ABR: variants seen among roughly 807,000 people sequenced by gnomAD.
The protein encoded by ABR is ABR activator of RhoGEF and GTPase.
In ABR, 35 loss-of-function variants were observed where a neutral mutation model predicts 107.2. That is an observed-to-expected ratio of 0.33 (90% CI 0.25 to 0.43). The LOEUF (loss-of-function observed/expected upper bound fraction) is 0.43, where lower values mean the gene tolerates loss of function less well. ABR is among the 20% of genes least tolerant of loss of function. The pLI is 1.00. For missense variants in ABR, 815 were observed against 1,115.2 expected, an observed-to-expected ratio of 0.73 and a Z score of 3.83; for synonymous variants, 498 against 462.0, an observed-to-expected ratio of 1.08 and a Z score of -1.00.
At chr17:1,147,637 T>C (rs2040609803) in intron 1 of ABR, among the ~76,000 whole-genome samples, 1 of 152,116 alleles carries the variant, frequency 6.6e-6, no homozygotes, top group South Asian at 2.1e-4. Flanking sequence ...CCGGGATTAG[T>C]GTGAGCTACC....
In ABR at chr17:1,071,852, G is replaced by A. The variant is rs1445146184; in HGVS notation, c.894+762C>T. ...CTCTGACACCAGTGGCTGAAAGACT[G>A]CGTGGTGGACCTGGAGAGACTCCCC... is the stretch of plus-strand genomic sequence containing the variant. On this transcript the variant is annotated intron_variant, in intron 8 of 22. Transcript: ENST00000302538. The surrounding 1 kb of genome is among the most constrained non-coding windows in gnomAD (Gnocchi z 5.1). 1.3e-5 allele frequency among the ~76,000 whole-genome samples: 2 copies of A among 152,386 alleles called. No individual in the cohort carries two copies. Among genetic ancestry groups the A allele is most frequent in the East Asian group, 1.9e-4 (1 of 5,186 alleles).
At chr17:1,147,633 T>G (rs2040609628) in intron 1 of ABR, among the ~76,000 whole-genome samples, 1 of 152,080 alleles carries the variant, frequency 6.6e-6, no homozygotes, top group East Asian at 1.9e-4. Context: ...AGTGCCGGGA[T>G]TAGTGTGAGC....
At chr17:1,217,925 C>G (rs1567899750) in intron 1 of ABR, among the ~76,000 whole-genome samples, 1 of 152,168 alleles carries the variant, frequency 6.6e-6, no homozygotes, top group African/African-American at 2.4e-5. Flanking sequence ...GAACTCCTGA[C>G]CTCAGGTGAT....
chr17:1,157,116 C>T lies in ABR; in HGVS notation c.61+22551G>A, dbSNP rs34106175. 0.077 allele frequency among the ~76,000 whole-genome samples: 11,668 copies of T among 152,184 alleles called. 517 individuals carry two copies. The highest frequency in any genetic ancestry group is 0.15 in the Middle Eastern group (43 of 294). On this transcript the variant is annotated intron_variant, in intron 1 of 22. Coordinates refer to ENST00000302538, the MANE Select transcript of ABR (RefSeq NM_021962.5). This position sits in a 1 kb window ranked among gnomAD's most constrained non-coding sequence, Gnocchi z 4.7. ...ATCTCAATTTTACGGATGAGGAAAC[C>T]GAAGCTCAGATAGGTCAGATGACTG...
intron 6 of ABR, among the ~76,000 whole-genome samples, chr17:1,074,606 C>T (rs1273276988): frequency 6.6e-6 from 1 of 152,262 alleles, no homozygotes; most frequent in Non-Finnish European, 1.5e-5. Flanking sequence ...CTGTGATCCA[C>T]AGGACTGGCC....
intron 2 of ABR, among the ~76,000 whole-genome samples, chr17:1,106,137 T>G (rs1221287110): frequency 6.6e-6 from 1 of 152,166 alleles, no homozygotes; most frequent in African/African-American, 2.4e-5. Flanking sequence ...GGCTGAGATA[T>G]GCAGCAAACT....
chr17:1,024,024 C>CAAAAAAAAAAAAAA (rs11334940), intron 16 of ABR, among the ~76,000 whole-genome samples: 7 of 47,678 alleles, frequency 1.5e-4, no homozygotes, highest in Admixed American at 2.7e-4. Context: ...GACTCCATCT[C>CAAAAAAAAAAAAAA]AAAAAAAAAA....
chr17:1,214,331 A>ATG (rs958167061), intron 1 of ABR, among the ~76,000 whole-genome samples: 12 of 122,870 alleles, frequency 9.8e-5, no homozygotes, highest in African/African-American at 1.8e-4. Flanking sequence ...TGATACTAGG[A>ATG]TGTGTGTGTA....
chr17:1,109,782 C>T (rs1295471011), intron 2 of ABR, among the ~76,000 whole-genome samples: 6 of 152,048 alleles, frequency 3.9e-5, no homozygotes, highest in Non-Finnish European at 8.8e-5. Context: ...CAGGCAGGAG[C>T]GCGGCGCCAC....
Position 1,058,879 on chromosome 17 carries a change from G to A in ABR, c.1183-12C>T, listed in dbSNP as rs2033632785. On this transcript the variant is annotated splice_polypyrimidine_tract_variant and intron_variant, in intron 10 of 22. Coordinates refer to ENST00000302538, the MANE Select transcript of ABR (RefSeq NM_021962.5). ...CCTTTGTTGGCTTTCTGCAGGAGAT[G>A]GGGACACAGAGGGTTCCCCTCACAC... 6.2e-7 allele frequency: 1 copy of A among 1,613,892 alleles called. No individual in the cohort carries two copies. The highest frequency in any genetic ancestry group is 1.7e-5 in the Admixed American group (1 of 60,014).
intron 16 of ABR, among the ~76,000 whole-genome samples, chr17:1,028,725 T>C (rs2072448107): frequency 6.6e-6 from 1 of 152,156 alleles, no homozygotes; most frequent in Non-Finnish European, 1.5e-5. Context: ...AGAGACAAGG[T>C]CACCTGAAGC....
upstream of ABR, among the ~76,000 whole-genome samples, chr17:1,181,282 T>G (rs1417922306): frequency 6.6e-6 from 1 of 152,144 alleles, no homozygotes; most frequent in African/African-American, 2.4e-5. Context: ...ATAAGCTGCT[T>G]GGGCAGAGGC....
In ABR at chr17:1,027,296, C is replaced by T. The variant is rs2150877660; in HGVS notation, c.1792-14132G>A. On this transcript the variant is annotated intron_variant, in intron 16 of 22. Transcript: ENST00000302538. The surrounding 1 kb of genome is among the most constrained non-coding windows in gnomAD (Gnocchi z 4.7). Reference sequence around the variant, plus strand: ...AGGGAGGCCGGGGAGGACCAGCGCCCTTCTACCCTCCCTAGGTACCAAGAA... The same window carrying T: ...AGGGAGGCCGGGGAGGACCAGCGCCTTTCTACCCTCCCTAGGTACCAAGAA... Among the ~76,000 whole-genome samples, 1 of 152,370 alleles carries T rather than the reference C, an allele frequency of 6.6e-6. No individual in the cohort carries two copies. Among genetic ancestry groups the T allele is most frequent in the South Asian group, 2.1e-4 (1 of 4,832 alleles).
At chr17:1,100,126 TAAAA>T (rs59004026) in intron 3 of ABR, among the ~76,000 whole-genome samples, 4 of 110,166 alleles carry the variant, frequency 3.6e-5, no homozygotes, top group Admixed American at 1.0e-4. Flanking sequence ...AGCTCCGTCT[TAAAA>T]AAAAAAAAAA....
intron 16 of ABR, among the ~76,000 whole-genome samples, chr17:1,049,172 G>A (rs1363845787): frequency 6.6e-6 from 1 of 152,060 alleles, no homozygotes; most frequent in Non-Finnish European, 1.5e-5. Flanking sequence ...AGGCATAAAT[G>A]CTGTTTTTAT....
Position 1,050,931 on chromosome 17 carries a change from G to T in ABR, c.1562-297C>A, listed in dbSNP as rs139627640. On this transcript the variant is annotated intron_variant, in intron 14 of 22. Coordinates refer to ENST00000302538, the MANE Select transcript of ABR (RefSeq NM_021962.5). The surrounding 1 kb of genome is among the most constrained non-coding windows in gnomAD (Gnocchi z 4.6). ...CCCACACTCTGCCCTTCCCACCTCG[G>T]CCCTCCCCACACTCTGGCCTCCTCC... Among the ~76,000 whole-genome samples the T allele has an allele frequency of 1.5e-3, 219 of 145,674 alleles. 2 individuals are homozygous for T. In the East Asian group the frequency reaches 0.037, roughly 24 times the overall value.
chr17:1,021,239 G>C (rs1447153757), intron 16 of ABR, among the ~76,000 whole-genome samples: 1 of 152,182 alleles, frequency 6.6e-6, no homozygotes, highest in South Asian at 2.1e-4. Flanking sequence ...TGGACGACGG[G>C]AATCTGAAGA....
At chr17:1,105,870 GA>G (rs34646182) in intron 2 of ABR, among the ~76,000 whole-genome samples, 34,926 of 144,658 alleles carry the variant, frequency 0.24, 4,067 homozygotes, top group Middle Eastern at 0.38. Flanking sequence ...TGTCTCAAAA[GA>G]AAAAAAAAAA....
At chr17:1,119,694 A>G (rs1180165315) in intron 2 of ABR, among the ~76,000 whole-genome samples, 1 of 152,154 alleles carries the variant, frequency 6.6e-6, no homozygotes, top group South Asian at 2.1e-4. Context: ...CACAGGGCGG[A>G]TGCACCCCAC....
Sources: allele counts gnomAD v4.1 joint callset (sites outside exome capture counted in the v4.1 genomes callset), GRCh38; gene constraint gnomAD v4.1.1; non-coding constraint Gnocchi (gnomAD v3.1); transcripts MANE v1.5; gene names NCBI Gene and HGNC (gene_info 2026-07-23, HGNC 2026-07-21).